CENPV: variants seen among roughly 807,000 people sequenced by gnomAD.
The protein encoded by CENPV is centromere protein V, also known as nuclear protein p30.
A neutral mutation model predicts 26.4 loss-of-function variants in CENPV; 15 were observed. The observed-to-expected ratio is 0.57, with a 90% CI of 0.38 to 0.88. The LOEUF (loss-of-function observed/expected upper bound fraction) is 0.88, where lower values mean the gene tolerates loss of function less well. CENPV is among the 40% of genes least tolerant of loss of function. The pLI is 0.00. For synonymous variants in CENPV, 172 were observed against 165.5 expected (o/e 1.04, Z -0.30); for missense variants, 336 against 376.5 (o/e 0.89, Z 0.89).
chr17:16,343,986 G>A (rs771075966), intron 4 of CENPV, among the ~76,000 whole-genome samples: 7 of 152,120 alleles, frequency 4.6e-5, no homozygotes, highest in Non-Finnish European at 1.0e-4. Flanking sequence ...CCCTGAAGCG[G>A]GGCTTGGAGG....
At chr17:16,352,266 C>CA (rs1450482363) in intron 1 of CENPV, among the ~76,000 whole-genome samples, 1 of 152,210 alleles carries the variant, frequency 6.6e-6, no homozygotes, top group Non-Finnish European at 1.5e-5. Flanking sequence ...GAAAAGAAGG[C>CA]AGCCCTTTAA....
At chr17:16,346,468 A>G (rs1160752552) in intron 3 of CENPV, among the ~76,000 whole-genome samples, 2 of 152,218 alleles carry the variant, frequency 1.3e-5, no homozygotes, top group African/African-American at 2.4e-5. Context: ...AGCAAGGTAT[A>G]GGCCAGGCGC....
chr17:16,344,441 C>T (rs551328527), intron 4 of CENPV, 156 bp downstream of exon 4: 143 of 397,038 alleles, frequency 3.6e-4, no homozygotes, highest in African/African-American at 2.8e-3. Context: ...CACATTCTAT[C>T]ATGTGGAAAG....
chr17:16,349,555 T>G, intron 2 of CENPV: 1 of 1,006,748 alleles, frequency 9.9e-7, no homozygotes. Flanking sequence ...TAACATACCC[T>G]CCAACTCTCC....
intron 1 of CENPV, among the ~76,000 whole-genome samples, chr17:16,352,585 C>T (rs1164586788): frequency 1.3e-5 from 2 of 152,320 alleles, no homozygotes; most frequent in East Asian, 1.9e-4. Flanking sequence ...CTACCTTTCC[C>T]TTCCACCCAC....
chr17:16,352,699 G>A (rs1163119854), intron 1 of CENPV, among the ~76,000 whole-genome samples: 1 of 152,036 alleles, frequency 6.6e-6, no homozygotes, highest in Non-Finnish European at 1.5e-5. Flanking sequence ...CACCCTTTGC[G>A]CGCCAGCAAG....
chr17:16,343,470 A>G (rs529927962), intron 4 of CENPV, among the ~76,000 whole-genome samples: 1 of 152,106 alleles, frequency 6.6e-6, no homozygotes, highest in Non-Finnish European at 1.5e-5. Context: ...GTAGCTGGGA[A>G]TACAGGCGTG....
chr17:16,347,176 A>G (rs1367186583), intron 3 of CENPV, among the ~76,000 whole-genome samples: 1 of 152,132 alleles, frequency 6.6e-6, no homozygotes, highest in Non-Finnish European at 1.5e-5. Context: ...ATGCATATGT[A>G]TCTTTGAAGA....
At chr17:16,344,563 C>G in intron 4 of CENPV, 34 bp downstream of exon 4, 1 of 1,292,550 alleles carries the variant, frequency 7.7e-7, no homozygotes, top group Non-Finnish European at 1.1e-6. Context: ...CTCTCTGTGT[C>G]CCCCTGAGCT....
At chr17:16,348,540 C>G in intron 3 of CENPV, 76 bp downstream of exon 3, 2 of 1,598,858 alleles carry the variant, frequency 1.3e-6, no homozygotes, top group South Asian at 2.2e-5. Flanking sequence ...AGACGGCATG[C>G]TAACAGTTGG....
chr17:16,342,603 C>A lies in CENPV; in HGVS notation c.*214G>T, dbSNP rs1421326183. On this transcript the variant is annotated 3_prime_UTR_variant, in exon 5 of 5. Coordinates refer to ENST00000299736, the MANE Select transcript of CENPV (RefSeq NM_181716.3). ...ACAAAAGTTGGGAAGAGAAGGATGT[C>A]AATTAGACTACATCAAAATCTGGGC... 2.4e-5 allele frequency: 13 copies of A among 552,894 alleles called. No individual in the cohort carries two copies. The highest frequency in any genetic ancestry group is 3.2e-5 in the Non-Finnish European group (10 of 310,946). The allele number at this position is 552,894 out of a possible 1,614,324, so 34.2% of individuals were successfully genotyped here. A position where few individuals can be genotyped will look rare whatever the true frequency, so the allele number is the denominator to read the frequency against.
Position 16,345,501 on chromosome 17 carries a change from G to A in CENPV, c.580-790C>T, listed in dbSNP as rs113303883. ...AGGAGCATCAGTTGAGCCTGGGGAA[G>A]TAGAGGCTGCAGTGGGCTGAGATCG... On this transcript the variant is annotated intron_variant, in intron 3 of 4. Coordinates refer to ENST00000299736, the MANE Select transcript of CENPV (RefSeq NM_181716.3). Among the ~76,000 whole-genome samples the A allele has an allele frequency of 7.2e-3, 1,100 of 152,062 alleles. 15 individuals carry two copies. Among genetic ancestry groups the A allele is most frequent in the African/African-American group, 0.025 (1,030 of 41,444 alleles).
At chr17:16,344,118 G>C (rs1234132269) in intron 4 of CENPV, among the ~76,000 whole-genome samples, 1 of 152,062 alleles carries the variant, frequency 6.6e-6, no homozygotes, top group African/African-American at 2.4e-5. Context: ...AAAGTGCTGG[G>C]ATACAGGTGT....
chr17:16,347,500 C>T (rs1040952653), intron 3 of CENPV: 6 of 145,374 alleles, frequency 4.1e-5, no homozygotes, highest in South Asian at 2.2e-4. Flanking sequence ...TATTCTTTAA[C>T]CTGGAGATTT....
rs1366518952 is a variant in CENPV, at chr17:16,353,194, AGGC to A, written c.240_242del (p.Pro81del). 6 of 1,372,002 alleles carry A rather than the reference AGGC, an allele frequency of 4.4e-6. No homozygotes were observed. Among genetic ancestry groups the A allele is most frequent in the South Asian group, 3.4e-5 (2 of 58,324 alleles). The allele number at this position is 1,372,002 out of a possible 1,614,324, so 85.0% of individuals were successfully genotyped here. The stretch of plus-strand genomic sequence containing the variant: ...GCGGTGGCGGGAGCAACGCCAGCTC[AGGC>A]GGCGGCGGCTCCCCCGGGCCCTCCT... On this transcript the variant is annotated inframe_deletion, in exon 1 of 5. Transcript: ENST00000299736.
At chr17:16,351,743 T>G (rs930264963) in intron 1 of CENPV, 1 of 152,226 alleles carries the variant, frequency 6.6e-6, no homozygotes, top group African/African-American at 2.4e-5. Flanking sequence ...ATGTCAATAT[T>G]TTAAAACTTT....
chr17:16,352,048 C>G (rs1398002199), intron 1 of CENPV, among the ~76,000 whole-genome samples: 6 of 152,148 alleles, frequency 3.9e-5, no homozygotes, highest in Non-Finnish European at 2.9e-5. Context: ...GAATTTCTTC[C>G]GCAAGAAGCT....
At position 16,342,853 on chromosome 17, in the gene CENPV, T is replaced by C. The variant is rs1373813835; in HGVS notation, c.783A>G (p.Lys261=). The change falls in exon 5 of 5, where the codon AAA becomes AAG. Residue 261 remains lysine, a synonymous_variant. Transcript: ENST00000299736. ...ACATGTTCTTGATGGTCTTGTGCTC[T>C]TTCATGGCCTTCTCCCAATCGCTGC... ...FNGSDWEKAM[K]EHKTIKNMSK... 6.2e-7 allele frequency: 1 copy of C among 1,614,152 alleles called. No individual in the cohort carries two copies. The highest frequency in any genetic ancestry group is 1.1e-5 in the South Asian group (1 of 91,080).
At chr17:16,350,126 T>C in intron 1 of CENPV, 97 bp from the exon 2 acceptor site, 1 of 1,442,456 alleles carries the variant, frequency 6.9e-7, no homozygotes, top group Non-Finnish European at 9.4e-7. Flanking sequence ...TAGACAAAAG[T>C]CTTTTCTACA....
Sources: gnomAD v4.1 joint callset for allele counts (sites outside exome capture counted in the v4.1 genomes callset) on GRCh38, gnomAD v4.1.1 for gene constraint, MANE v1.5 for transcripts, NCBI Gene and HGNC (gene_info 2026-07-23, HGNC 2026-07-21) for gene names.